DNAAF9: variants seen among roughly 807,000 people sequenced by gnomAD.
DNAAF9 encodes the protein shulin.
A neutral mutation model predicts 167.0 loss-of-function variants in DNAAF9; 90 were observed. That is an observed-to-expected ratio of 0.54 (90% CI 0.45 to 0.64). The LOEUF is 0.64. DNAAF9 is among the 30% of genes least tolerant of loss of function. DNAAF9 has a pLI of 0.00. For missense variants in DNAAF9, 1,315 were observed against 1,442.2 expected (o/e 0.91, Z 1.43); for synonymous variants, 491 against 508.8 (o/e 0.96, Z 0.47).
chr20:3,326,678 GAA>G (rs2123063652), intron 12 of DNAAF9, among the ~76,000 whole-genome samples: 1 of 150,814 alleles, frequency 6.6e-6, no homozygotes, highest in Admixed American at 6.6e-5. Flanking sequence ...CTGGGAGGCA[GAA>G]GAGGCTGCAG....
intron 20 of DNAAF9, 47 bp from the exon 21 acceptor site, chr20:3,304,590 G>A: frequency 1.2e-6 from 1 of 853,430 alleles, no homozygotes; most frequent in East Asian, 2.5e-5. Flanking sequence ...TGGGTGCTGG[G>A]GGTCAGATTC....
chr20:3,369,021 C>T (rs1015247551), intron 6 of DNAAF9, among the ~76,000 whole-genome samples: 22 of 151,668 alleles, frequency 1.5e-4, no homozygotes, highest in Admixed American at 9.8e-4. Flanking sequence ...CCCAGCTTCT[C>T]GGGAGGTTGT....
intron 29 of DNAAF9, among the ~76,000 whole-genome samples, chr20:3,273,660 C>T (rs1189186616): frequency 1.3e-5 from 2 of 152,154 alleles, no homozygotes; most frequent in Admixed American, 6.5e-5. Context: ...CATGAGGGAT[C>T]TGCCCCCATG....
intron 23 of DNAAF9, chr20:3,296,568 G>T: frequency 2.7e-6 from 1 of 377,286 alleles, no homozygotes; most frequent in East Asian, 4.9e-5. Context: ...GTAGGGACGG[G>T]GTCTCACTAT....
intron 29 of DNAAF9, among the ~76,000 whole-genome samples, chr20:3,276,400 A>G (rs2068676411): frequency 6.8e-6 from 1 of 146,360 alleles, no homozygotes; most frequent in Admixed American, 6.7e-5. Context: ...GAAGGTGATC[A>G]GCCCACATCT....
chr20:3,353,854 G>C (rs2083249466), intron 7 of DNAAF9, among the ~76,000 whole-genome samples: 1 of 152,076 alleles, frequency 6.6e-6, no homozygotes, highest in African/African-American at 2.4e-5. Flanking sequence ...GGGTTACAGA[G>C]AAGAAGATAG....
intron 35 of DNAAF9, among the ~76,000 whole-genome samples, chr20:3,254,986 A>C (rs2122724660): frequency 6.6e-6 from 1 of 152,298 alleles, no homozygotes; most frequent in South Asian, 2.1e-4. Context: ...TCCCACAAGT[A>C]CTGGCTCTAC....
intron 29 of DNAAF9, among the ~76,000 whole-genome samples, chr20:3,274,304 G>A (rs1278947193): frequency 6.6e-6 from 1 of 151,954 alleles, no homozygotes; most frequent in African/African-American, 2.4e-5. Flanking sequence ...CACTGCACCC[G>A]TCTAATTTTT....
chr20:3,293,435 A>G (rs2069002584), intron 25 of DNAAF9, among the ~76,000 whole-genome samples: 1 of 151,126 alleles, frequency 6.6e-6, no homozygotes, highest in African/African-American at 2.4e-5. Flanking sequence ...CTGTAATCCC[A>G]GCACTTTGGG....
chr20:3,400,529 TAAAAAC>T (rs1292441348), intron 1 of DNAAF9, among the ~76,000 whole-genome samples: 1 of 147,216 alleles, frequency 6.8e-6, no homozygotes, highest in African/African-American at 2.6e-5. Flanking sequence ...AATTAAAAGT[TAAAAAC>T]AAAAAGAATG....
In DNAAF9 at chr20:3,407,584, G is replaced by A. The variant is rs1477200432; in HGVS notation, c.-27C>T. ...GCGGCGGACGACTGGCGGCGGAGGA[G>A]GACGGTGCAGCTGCGAGGGTCTCAG... On this transcript the variant is annotated 5_prime_UTR_variant, in exon 1 of 37. Coordinates refer to ENST00000252032, the MANE Select transcript of DNAAF9 (RefSeq NM_001009984.3). The A allele has an allele frequency of 3.3e-6, 4 of 1,229,060 alleles. No individual in the cohort carries two copies. The highest frequency in any genetic ancestry group is 3.3e-5 in the East Asian group (1 of 30,746). The allele number at this position is 1,229,060 out of a possible 1,614,324, so 76.1% of individuals were successfully genotyped here. A position where few individuals can be genotyped will look rare whatever the true frequency, so the allele number is the denominator to read the frequency against.
chr20:3,341,867 T>C (rs892499313), intron 9 of DNAAF9, among the ~76,000 whole-genome samples: 2 of 152,070 alleles, frequency 1.3e-5, no homozygotes, highest in Admixed American at 6.5e-5. Context: ...AAGCTCCACC[T>C]CCCAGGTTCA....
At chr20:3,346,910 C>T (rs1480401724) in intron 8 of DNAAF9, among the ~76,000 whole-genome samples, 2 of 152,054 alleles carry the variant, frequency 1.3e-5, no homozygotes, top group Admixed American at 6.5e-5. Context: ...AATGGAGTCC[C>T]TCAAGGAAAG....
chr20:3,325,804 T>A (rs1298459629), intron 13 of DNAAF9, among the ~76,000 whole-genome samples: 1 of 152,104 alleles, frequency 6.6e-6, no homozygotes, highest in African/African-American at 2.4e-5. Context: ...CTATTTTTTT[T>A]AAACACTGAG....
At chr20:3,337,762 C>CA (rs1444392235) in intron 10 of DNAAF9, among the ~76,000 whole-genome samples, 11 of 151,896 alleles carry the variant, frequency 7.2e-5, no homozygotes, top group African/African-American at 2.7e-4. Context: ...AACCTTGTGT[C>CA]AGAGTACTCC....
At chr20:3,261,924 G>A (rs2068396998) in intron 31 of DNAAF9, among the ~76,000 whole-genome samples, 1 of 151,954 alleles carries the variant, frequency 6.6e-6, no homozygotes, top group South Asian at 2.1e-4. Context: ...GAAACAAGCT[G>A]TTCTACCAGA....
At chr20:3,395,209 G>C (rs2083888702) in intron 1 of DNAAF9, among the ~76,000 whole-genome samples, 1 of 140,110 alleles carries the variant, frequency 7.1e-6, no homozygotes. Context: ...CTGACCTCGT[G>C]ATCCGCCCGT....
At chr20:3,288,192 G>A (rs1009385188) in intron 26 of DNAAF9, among the ~76,000 whole-genome samples, 1 of 152,204 alleles carries the variant, frequency 6.6e-6, no homozygotes, top group Admixed American at 6.5e-5. Flanking sequence ...GCTCACGCCT[G>A]TAATCCCAGC....
In DNAAF9 at chr20:3,249,877, CCCCAGGG is replaced by C. The variant is rs1324471972; in HGVS notation, c.*2688_*2694del. The C allele has an allele frequency of 6.6e-6, 1 of 152,064 alleles. No homozygotes were observed. Among genetic ancestry groups the C allele is most frequent in the Non-Finnish European group, 1.5e-5 (1 of 68,028 alleles). 9.4% of individuals were successfully genotyped at this position (152,064 alleles called of 1,614,324 possible). A position where few individuals can be genotyped will look rare whatever the true frequency, so the allele number is the denominator to read the frequency against. On this transcript the variant is annotated 3_prime_UTR_variant, in exon 37 of 37. Coordinates refer to ENST00000252032, the MANE Select transcript of DNAAF9 (RefSeq NM_001009984.3). ...GTGTCCAGGCTTCAGGTCAGATAGC[CCCCAGGG>C]CTCAGAGGGGCCGGCTCAACTCCTT...
Sources: allele counts gnomAD v4.1 joint callset (sites outside exome capture counted in the v4.1 genomes callset), GRCh38; gene constraint gnomAD v4.1.1; transcripts MANE v1.5; gene names NCBI Gene and HGNC (gene_info 2026-07-23, HGNC 2026-07-21).